The following PPP2R2D variants were observed in gnomAD, a reference collection of about 807,000 sequenced individuals.
PPP2R2D encodes serine/threonine-protein phosphatase 2A 55 kDa regulatory subunit B delta isoform.
In PPP2R2D, 9 loss-of-function variants were observed where a neutral mutation model predicts 31.1. That is an observed-to-expected ratio of 0.29 (90% CI 0.17 to 0.51). The LOEUF (loss-of-function observed/expected upper bound fraction) is 0.51, where lower values mean the gene tolerates loss of function less well. PPP2R2D is among the 20% of genes least tolerant of loss of function. PPP2R2D has a pLI of 0.98. For synonymous variants in PPP2R2D, 179 were observed against 172.6 expected (o/e 1.04, Z -0.29); for missense variants, 391 against 465.6 (o/e 0.84, Z 1.48).
At chr10:131,967,463 G>C in the PPP2R2D span, 1 of 152,196 alleles carries the variant, frequency 6.6e-6, no homozygotes, top group Non-Finnish European at 1.5e-5. Flanking sequence ...ATGTAAGACT[G>C]AGAGATGACT....
intron 2 of PPP2R2D, among the ~76,000 whole-genome samples, chr10:131,911,219 A>G: frequency 6.6e-6 from 1 of 152,318 alleles, no homozygotes; most frequent in Non-Finnish European, 1.5e-5. Context: ...TCCCAGCATC[A>G]AGATTTAATG....
At chr10:131,914,861 T>G (rs1221055813) in intron 2 of PPP2R2D, among the ~76,000 whole-genome samples, 2 of 152,144 alleles carry the variant, frequency 1.3e-5, no homozygotes, top group Non-Finnish European at 2.9e-5. Flanking sequence ...TCTGTATTAT[T>G]TTATGTTCCA....
At chr10:131,951,879 G>A (rs2036642865) in intron 8 of PPP2R2D, among the ~76,000 whole-genome samples, 1 of 152,212 alleles carries the variant, frequency 6.6e-6, no homozygotes, top group African/African-American at 2.4e-5. Context: ...TGACACATAT[G>A]TACTCTAGCA....
At chr10:131,902,891 C>G (rs1023940799) in intron 2 of PPP2R2D, among the ~76,000 whole-genome samples, 3 of 151,996 alleles carry the variant, frequency 2.0e-5, no homozygotes, top group Non-Finnish European at 4.4e-5. Context: ...TAGCTAGGAC[C>G]ACACACACGC....
chr10:131,907,556 G>C (rs1049910089), intron 2 of PPP2R2D, among the ~76,000 whole-genome samples: 2 of 151,872 alleles, frequency 1.3e-5, no homozygotes, highest in Non-Finnish European at 2.9e-5. Flanking sequence ...CTGGCTAACA[G>C]GGTGAAACCC....
chr10:131,946,606 A>T (rs1315279146), intron 7 of PPP2R2D, among the ~76,000 whole-genome samples: 6 of 152,230 alleles, frequency 3.9e-5, no homozygotes, highest in African/African-American at 1.4e-4. Context: ...TAAGCATAAA[A>T]TTCTTGAGTA....
the PPP2R2D span, chr10:131,968,653 G>GGTTA: frequency 8.0e-7 from 1 of 1,249,894 alleles, no homozygotes; most frequent in Admixed American, 1.7e-5. Context: ...AGCTCACTGT[G>GGTTA]GTTAGAGCTT....
Position 131,955,920 on chromosome 10 carries a change from C to A in PPP2R2D, c.1319C>A (p.Ala440Asp). Residue 440 changes from alanine to aspartate, a missense_variant, in exon 9 of 9, where the codon GCT becomes GAT. By Grantham distance (126) the Ala-to-Asp change is moderately radical (BLOSUM62 -2). Around this residue, in one of 3 missense-constraint regions of PPP2R2D, gnomAD observed 163 missense variants for 179.5 expected, o/e 0.91. Coordinates refer to ENST00000455566, the MANE Select transcript of PPP2R2D (RefSeq NM_018461.5). Reference sequence around the variant, plus strand: ...CCCGTGGACAATGTCATTGCCGTGGCTGCCACCAATAACTTGTACATATTC... The same window carrying A: ...CCCGTGGACAATGTCATTGCCGTGGATGCCACCAATAACTTGTACATATTC... ...WHPVDNVIAV[A>D]ATNNLYIFQD... is the part of the protein sequence containing the mutation. The A allele has an allele frequency of 6.3e-7, 1 of 1,585,472 alleles. No individual in the cohort carries two copies. Among genetic ancestry groups the A allele is most frequent in the Non-Finnish European group, 8.6e-7 (1 of 1,163,760 alleles).
chr10:131,937,081 T>C (rs760210123), intron 3 of PPP2R2D, among the ~76,000 whole-genome samples: 38 of 152,214 alleles, frequency 2.5e-4, no homozygotes, highest in Non-Finnish European at 4.3e-4. Flanking sequence ...CGTCCACGTG[T>C]GCGTCTTAGA....
At position 131,947,168 on chromosome 10, in the gene PPP2R2D, A is replaced by C. The variant is rs2036558201; in HGVS notation, c.821-362A>C. Among the ~76,000 whole-genome samples, 1 of 152,238 alleles carries C rather than the reference A, an allele frequency of 6.6e-6. No homozygotes were observed. The highest frequency in any genetic ancestry group is 1.5e-5 in the Non-Finnish European group (1 of 68,046). ...CATGAGGACGCGGAGACACTCCTACAGGAATGCGGTGGTGCTGAACCTGGG... is the reference window on the plus strand; with the variant it reads ...CATGAGGACGCGGAGACACTCCTACCGGAATGCGGTGGTGCTGAACCTGGG... On this transcript the variant is annotated intron_variant, in intron 7 of 8. Coordinates refer to ENST00000455566, the MANE Select transcript of PPP2R2D (RefSeq NM_018461.5). This position sits in a 1 kb window ranked among gnomAD's most constrained non-coding sequence, Gnocchi z 4.3.
intron 2 of PPP2R2D, among the ~76,000 whole-genome samples, chr10:131,922,148 G>T (rs782400249): frequency 6.6e-6 from 1 of 152,084 alleles, no homozygotes; most frequent in African/African-American, 2.4e-5. Context: ...AAGACTTAAC[G>T]ATCACAGCAT....
chr10:131,913,668 C>G (rs1281281665), intron 2 of PPP2R2D, among the ~76,000 whole-genome samples: 4 of 152,244 alleles, frequency 2.6e-5, no homozygotes, highest in South Asian at 2.1e-4. Flanking sequence ...TTTTGGCATG[C>G]GAGCATCTGA....
At position 131,901,127 on chromosome 10, in the gene PPP2R2D, G is replaced by T. The variant is rs1415963707; in HGVS notation, c.-22G>T. On this transcript the variant is annotated 5_prime_UTR_variant, in exon 1 of 9. Transcript: ENST00000455566. ...GTCTCCCTGGTCTGCCGCGGTCCCC[G>T]CCCGTCCCGCCGCCGGCTGCCATGG... The T allele has an allele frequency of 1.7e-5, 4 of 241,816 alleles. No individual in the cohort carries two copies. Among genetic ancestry groups the T allele is most frequent in the Non-Finnish European group, 2.3e-5 (3 of 129,052 alleles). The allele number at this position is 241,816 out of a possible 1,614,324, so 15.0% of individuals were successfully genotyped here. A position where few individuals can be genotyped will look rare whatever the true frequency, so the allele number is the denominator to read the frequency against.
chr10:131,925,106 A>G (rs2036078546), intron 2 of PPP2R2D, among the ~76,000 whole-genome samples: 1 of 152,130 alleles, frequency 6.6e-6, no homozygotes, highest in African/African-American at 2.4e-5. Flanking sequence ...GTGAATAGAG[A>G]TATGTTACTC....
intron 2 of PPP2R2D, among the ~76,000 whole-genome samples, chr10:131,923,660 T>C (rs1467736937): frequency 4.6e-5 from 7 of 152,210 alleles, no homozygotes; most frequent in Non-Finnish European, 8.8e-5. Flanking sequence ...TGGTTTTGAT[T>C]TGTATTTCCC....
rs1281417390 is a variant in PPP2R2D, at chr10:131,956,431, T to G, written c.*468T>G. On this transcript the variant is annotated 3_prime_UTR_variant, in exon 9 of 9. Coordinates refer to ENST00000455566, the MANE Select transcript of PPP2R2D (RefSeq NM_018461.5). ...TCCGAGTCCAGGTGGACTCTGTGGATGTGTGGATGTGGCCCGAGCAGGCTC... is the reference window on the plus strand; with the variant it reads ...TCCGAGTCCAGGTGGACTCTGTGGAGGTGTGGATGTGGCCCGAGCAGGCTC... The G allele has an allele frequency of 1.0e-6, 1 of 985,650 alleles. No individual in the cohort carries two copies. Among genetic ancestry groups the G allele is most frequent in the African/African-American group, 1.7e-5 (1 of 57,256 alleles). 61.1% of individuals were successfully genotyped at this position (985,650 alleles called of 1,614,324 possible).
chr10:131,904,072 G>C (rs924232913), intron 2 of PPP2R2D, among the ~76,000 whole-genome samples: 17 of 152,176 alleles, frequency 1.1e-4, no homozygotes, highest in African/African-American at 4.1e-4. Context: ...GGCGTGGCAG[G>C]GCCGGCCTGT....
At chr10:131,961,570 A>G (rs1185217088), downstream of PPP2R2D, among the ~76,000 whole-genome samples, 5 of 152,162 alleles carry the variant, frequency 3.3e-5, no homozygotes, top group African/African-American at 1.2e-4. Flanking sequence ...TCTGTGCCCC[A>G]TACGCCCCTC....
chr10:131,903,328 G>A (rs974299667), intron 2 of PPP2R2D, among the ~76,000 whole-genome samples: 1 of 152,040 alleles, frequency 6.6e-6, no homozygotes, highest in African/African-American at 2.4e-5. Context: ...TTAGCCGGGC[G>A]TGGTGGCACA....
Sources: gnomAD v4.1 joint callset for allele counts (sites outside exome capture counted in the v4.1 genomes callset) on GRCh38, gnomAD v4.1.1 for gene constraint, gnomAD v4.1.1 regional missense constraint, Gnocchi (gnomAD v3.1) non-coding constraint, MANE v1.5 for transcripts, NCBI Gene and HGNC (gene_info 2026-07-23, HGNC 2026-07-21) for gene names.